The following ARHGAP18 variants were observed in gnomAD, a reference collection of about 807,000 sequenced individuals.
The protein encoded by ARHGAP18 is rho GTPase-activating protein 18.
ARHGAP18 carries 67 observed loss-of-function variants against 86.2 expected under a neutral mutation model. The ratio of observed to expected loss-of-function variants is 0.78; its 90% CI spans 0.64 to 0.95. ARHGAP18 has a LOEUF of 0.95. ARHGAP18 is among the 40% of genes least tolerant of loss of function. ARHGAP18 has a pLI of 0.00. For synonymous variants in ARHGAP18, 283 were observed against 280.4 expected (o/e 1.01, Z -0.09); for missense variants, 691 against 780.4 (o/e 0.89, Z 1.37).
intron 1 of ARHGAP18, among the ~76,000 whole-genome samples, chr6:129,649,876 C>T (rs1051956750): frequency 7.3e-5 from 11 of 150,224 alleles, no homozygotes; most frequent in South Asian, 2.1e-4. Flanking sequence ...TGTTATTTAT[C>T]GTTGCGGCTT....
chr6:129,685,266 G>A (rs757219228), intron 1 of ARHGAP18, among the ~76,000 whole-genome samples: 10 of 152,154 alleles, frequency 6.6e-5, no homozygotes, highest in Admixed American at 5.9e-4. Flanking sequence ...CAGTACTTTG[G>A]GAGACCGAGG....
chr6:129,677,341 C>A (rs866032206), intron 1 of ARHGAP18, among the ~76,000 whole-genome samples: 7 of 151,684 alleles, frequency 4.6e-5, no homozygotes, highest in African/African-American at 7.3e-5. Flanking sequence ...TGCAGTGAGC[C>A]GAGATCGCAC....
chr6:129,658,215 G>A (rs963959005), intron 1 of ARHGAP18, among the ~76,000 whole-genome samples: 3 of 152,164 alleles, frequency 2.0e-5, no homozygotes, highest in African/African-American at 2.4e-5. Flanking sequence ...CTTGTTAGTA[G>A]TGATTTTTCA....
chr6:129,689,423 G>C (rs1418657395), intron 1 of ARHGAP18, among the ~76,000 whole-genome samples: 1 of 152,120 alleles, frequency 6.6e-6, no homozygotes, highest in Non-Finnish European at 1.5e-5. Context: ...CTCCAGAGTA[G>C]CTTGGATTAT....
rs1051905223 is a variant in ARHGAP18, at chr6:129,608,026, C to T, written c.1149G>A (p.Lys383=). The change falls in exon 9 of 15, where the codon AAG becomes AAA. Residue 383 remains lysine, a synonymous_variant. Coordinates refer to ENST00000368149, the MANE Select transcript of ARHGAP18 (RefSeq NM_033515.3). ...IKNLCQELEA[K]FYEGTFNWES... is the part of the protein sequence containing the mutation. Reference sequence around the variant, plus strand: ...CCCAATTAAAAGTCCCTTCATAAAACTTTGCTTCTAGTTCTTGGCAAAGAT... The same window carrying T: ...CCCAATTAAAAGTCCCTTCATAAAATTTTGCTTCTAGTTCTTGGCAAAGAT... The T allele has an allele frequency of 2.6e-6, 3 of 1,164,370 alleles. No individual in the cohort carries two copies. Among genetic ancestry groups the T allele is most frequent in the Non-Finnish European group, 3.7e-6 (3 of 819,116 alleles). The allele number at this position is 1,164,370 out of a possible 1,614,324, so 72.1% of individuals were successfully genotyped here.
intron 1 of ARHGAP18, among the ~76,000 whole-genome samples, chr6:129,665,151 C>T (rs1169971184): frequency 2.6e-5 from 4 of 152,124 alleles, no homozygotes; most frequent in Admixed American, 2.0e-4. Flanking sequence ...TACTCTCTGC[C>T]TTTACATCAG....
chr6:129,620,285 G>A (rs1354356865), intron 5 of ARHGAP18, among the ~76,000 whole-genome samples: 1 of 152,178 alleles, frequency 6.6e-6, no homozygotes, highest in African/African-American at 2.4e-5. Context: ...TTATGTGTGG[G>A]ATTTTTCACT....
intron 1 of ARHGAP18, among the ~76,000 whole-genome samples, chr6:129,689,288 A>C (rs574546422): frequency 6.6e-6 from 1 of 152,024 alleles, no homozygotes; most frequent in South Asian, 2.1e-4. Context: ...GGTTGCTTGG[A>C]TGGTTTTGTT....
At chr6:129,584,560 AACAT>A (rs1788354039) in intron 12 of ARHGAP18, among the ~76,000 whole-genome samples, 1 of 152,212 alleles carries the variant, frequency 6.6e-6, no homozygotes, top group African/African-American at 2.4e-5. Flanking sequence ...ATAAAAAAGA[AACAT>A]ACTTTTCTAT....
chr6:129,588,218 A>G (rs1788439210), intron 12 of ARHGAP18, among the ~76,000 whole-genome samples: 1 of 151,508 alleles, frequency 6.6e-6, no homozygotes, highest in Non-Finnish European at 1.5e-5. Flanking sequence ...CCTGGGTTCA[A>G]GCGATTCTCC....
At chr6:129,634,210 C>A in intron 3 of ARHGAP18, 105 bp from the exon 4 acceptor site, 1 of 927,192 alleles carries the variant, frequency 1.1e-6, no homozygotes, top group Non-Finnish European at 1.7e-6. Context: ...GACATGTACT[C>A]AGAATTATAA....
intron 1 of ARHGAP18, among the ~76,000 whole-genome samples, chr6:129,686,066 A>G (rs1044549739): frequency 6.6e-6 from 1 of 152,196 alleles, no homozygotes; most frequent in Admixed American, 6.5e-5. Context: ...AAAATTAAAT[A>G]AATTTGGGTT....
At chr6:129,622,093 C>T (rs1789241227) in intron 5 of ARHGAP18, among the ~76,000 whole-genome samples, 2 of 152,130 alleles carry the variant, frequency 1.3e-5, no homozygotes, top group Admixed American at 1.3e-4. Flanking sequence ...AGACCTGACA[C>T]ACTATGGGTG....
At chr6:129,623,006 C>CAA (rs57274879) in intron 5 of ARHGAP18, among the ~76,000 whole-genome samples, 37 of 39,742 alleles carry the variant, frequency 9.3e-4, no homozygotes, top group African/African-American at 1.6e-3. Context: ...CATCTCAAAA[C>CAA]AAAAAAAAAA....
intron 8 of ARHGAP18, 51 bp from the exon 9 acceptor site, chr6:129,608,103 C>T (rs1423704218): frequency 6.9e-7 from 1 of 1,439,130 alleles, no homozygotes; most frequent in East Asian, 2.6e-5. Context: ...GCTAGAAGTG[C>T]ATTTTTTTTC....
At chr6:129,671,701 C>A (rs746533998) in intron 1 of ARHGAP18, among the ~76,000 whole-genome samples, 4 of 152,064 alleles carry the variant, frequency 2.6e-5, no homozygotes, top group Non-Finnish European at 4.4e-5. Context: ...GAGTAAGACT[C>A]TGTCTCTAAA....
intron 1 of ARHGAP18, among the ~76,000 whole-genome samples, chr6:129,668,452 C>T (rs1774084495): frequency 6.6e-6 from 1 of 151,506 alleles, no homozygotes; most frequent in Non-Finnish European, 1.5e-5. Flanking sequence ...TTCAACATCT[C>T]CAAAATCTCT....
At chr6:129,588,791 T>G (rs1227175527) in intron 12 of ARHGAP18, among the ~76,000 whole-genome samples, 1 of 152,254 alleles carries the variant, frequency 6.6e-6, no homozygotes, top group Non-Finnish European at 1.5e-5. Context: ...TGCCTGGACA[T>G]CCAGGCATTT....
At chr6:129,586,880 G>A (rs944935341) in intron 12 of ARHGAP18, among the ~76,000 whole-genome samples, 1 of 151,892 alleles carries the variant, frequency 6.6e-6, no homozygotes, top group Non-Finnish European at 1.5e-5. Flanking sequence ...ATATCTCTCT[G>A]CTAACCATTT....
Sources: allele counts gnomAD v4.1 joint callset (sites outside exome capture counted in the v4.1 genomes callset), GRCh38; gene constraint gnomAD v4.1.1; transcripts MANE v1.5; gene names NCBI Gene and HGNC (gene_info 2026-07-23, HGNC 2026-07-21).